The following RSRC1 variants were observed in gnomAD, a reference collection of about 807,000 sequenced individuals.
RSRC1 encodes the protein arginine and serine rich coiled-coil 1, also known as serine/Arginine-related protein 53.
RSRC1 carries 39 observed loss-of-function variants against 49.1 expected under a neutral mutation model. The observed-to-expected ratio is 0.79, with a 90% CI of 0.61 to 1.04. RSRC1 has a LOEUF of 1.04. Ranked by LOEUF, RSRC1 falls within the 50% of genes least tolerant of loss-of-function variation. The probability of loss-of-function intolerance (pLI) is 0.00; values close to 1 mark genes in which losing one functional copy is unlikely to be tolerated. For missense variants in RSRC1, 388 were observed against 402.4 expected, an observed-to-expected ratio of 0.96 and a Z score of 0.31; for synonymous variants, 143 against 130.8, an observed-to-expected ratio of 1.09 and a Z score of -0.63.
chr3:158,119,254 A>G (rs556957947), intron 1 of RSRC1, among the ~76,000 whole-genome samples: 12 of 152,178 alleles, frequency 7.9e-5, no homozygotes, highest in East Asian at 5.8e-4. Flanking sequence ...GATTTTTGCT[A>G]TGTGAATTTG....
chr3:158,171,151 A>T (rs1395875111), intron 3 of RSRC1, among the ~76,000 whole-genome samples: 1 of 152,216 alleles, frequency 6.6e-6, no homozygotes, highest in Non-Finnish European at 1.5e-5. Flanking sequence ...GCATAACAAA[A>T]GCTTTGGAAA....
intron 6 of RSRC1, among the ~76,000 whole-genome samples, chr3:158,456,926 G>A (rs1244967861): frequency 6.6e-6 from 1 of 151,978 alleles, no homozygotes; most frequent in Non-Finnish European, 1.5e-5. Context: ...GGATTTTAGG[G>A]GTGTGCGTGT....
intron 3 of RSRC1, among the ~76,000 whole-genome samples, chr3:158,182,252 T>C (rs1323423479): frequency 6.6e-6 from 1 of 152,184 alleles, no homozygotes. Flanking sequence ...CAGGAAGATG[T>C]CTGATGTGTT....
Position 158,122,233 on chromosome 3 carries a change from A to G in RSRC1, c.129A>G (p.Lys43=). The change falls in exon 2 of 10, where the codon AAA becomes AAG. Residue 43 remains lysine (K), a synonymous_variant. Coordinates refer to ENST00000611884, the MANE Select transcript of RSRC1 (RefSeq NM_001271838.2). ...ACAGCCGAAAGAAAGGAGGAAGGAAATCAAGATCAAAGTCAAGATCTTGGT... is the reference window on the plus strand; with the variant it reads ...ACAGCCGAAAGAAAGGAGGAAGGAAGTCAAGATCAAAGTCAAGATCTTGGT... The part of the protein sequence containing the change: ...RTYSRKKGGR[K]SRSKSRSWSR... 1.2e-6 allele frequency: 2 copies of G among 1,605,950 alleles called. No homozygotes were observed. Among genetic ancestry groups the G allele is most frequent in the Non-Finnish European group, 1.7e-6 (2 of 1,175,438 alleles).
intron 6 of RSRC1, among the ~76,000 whole-genome samples, chr3:158,425,943 A>C (rs1735408301): frequency 6.6e-6 from 1 of 151,782 alleles, no homozygotes; most frequent in South Asian, 2.1e-4. Flanking sequence ...TATAGTAATT[A>C]AAATGGTGTC....
At chr3:158,382,308 T>G (rs1163437528) in intron 6 of RSRC1, among the ~76,000 whole-genome samples, 1 of 151,952 alleles carries the variant, frequency 6.6e-6, no homozygotes, top group African/African-American at 2.4e-5. Context: ...TACAGTTAAC[T>G]TTTTTTTATA....
At chr3:158,144,751 A>G (rs1716972187) in intron 3 of RSRC1, among the ~76,000 whole-genome samples, 5 of 152,158 alleles carry the variant, frequency 3.3e-5, no homozygotes, top group African/African-American at 9.7e-5. Flanking sequence ...AGTCCCCCCA[A>G]CAGTGTAAAA....
Position 158,123,905 on chromosome 3 carries a change from C to T in RSRC1, c.234C>T (p.Ser78=). Residue 78 remains serine, a synonymous_variant, in exon 3 of 10, where the codon TCC becomes TCT. Transcript: ENST00000611884. The part of the protein sequence containing the change: ...HRSSSSSSYG[S]RRKRSRSRSR... ...CAAGCAGTAGCTCTTCTTATGGCTC[C>T]AGAAGGAAACGAAGTCGAAGTCGTT... 7 of 1,612,452 alleles carry T rather than the reference C, an allele frequency of 4.3e-6. No homozygotes were observed. The highest frequency in any genetic ancestry group is 4.2e-6 in the Non-Finnish European group (5 of 1,178,998).
chr3:158,518,148 A>ATATTTTTTTTTTTTT (rs1310027981), intron 7 of RSRC1, among the ~76,000 whole-genome samples: 6 of 44,136 alleles, frequency 1.4e-4, no homozygotes, highest in African/African-American at 7.7e-4. Context: ...ATATATATAT[A>ATATTTTTTTTTTTTT]TTTTTTTTTT....
chr3:158,363,862 T>G (rs1731615609), intron 6 of RSRC1, among the ~76,000 whole-genome samples: 1 of 152,210 alleles, frequency 6.6e-6, no homozygotes, highest in Non-Finnish European at 1.5e-5. Context: ...TTTATGATTT[T>G]TTTCTAACAC....
intron 4 of RSRC1, among the ~76,000 whole-genome samples, chr3:158,279,346 C>A (rs1040054845): frequency 2.6e-5 from 4 of 152,174 alleles, no homozygotes; most frequent in Non-Finnish European, 1.5e-5. Context: ...TATATAGTGA[C>A]ACTAAAATAT....
intron 7 of RSRC1, among the ~76,000 whole-genome samples, chr3:158,472,693 GT>G (rs1288887834): frequency 6.6e-6 from 1 of 151,950 alleles, no homozygotes; most frequent in Non-Finnish European, 1.5e-5. Flanking sequence ...GGGTTGTTTG[GT>G]TTTTTTCTTG....
intron 7 of RSRC1, among the ~76,000 whole-genome samples, chr3:158,536,042 A>G (rs1237023737): frequency 2.0e-5 from 3 of 151,420 alleles, no homozygotes; most frequent in Non-Finnish European, 4.4e-5. Flanking sequence ...TAATTTGCTA[A>G]GTGAGAGATT....
intron 3 of RSRC1, among the ~76,000 whole-genome samples, chr3:158,202,369 T>C (rs1721093650): frequency 6.6e-6 from 1 of 151,376 alleles, no homozygotes; most frequent in Admixed American, 6.6e-5. Context: ...TCATAAAGGT[T>C]GTCATCCTCA....
At chr3:158,504,175 G>T (rs1739742845) in intron 7 of RSRC1, among the ~76,000 whole-genome samples, 1 of 152,174 alleles carries the variant, frequency 6.6e-6, no homozygotes, top group African/African-American at 2.4e-5. Flanking sequence ...TTCGGGAGAG[G>T]AGGCTGTCCC....
At chr3:158,243,956 T>TG (rs951850081) in intron 4 of RSRC1, among the ~76,000 whole-genome samples, 2 of 151,556 alleles carry the variant, frequency 1.3e-5, no homozygotes, top group African/African-American at 4.8e-5. Context: ...TATGGTTTTT[T>TG]TTTTTTTTTT....
At chr3:158,512,518 C>A (rs1429934939) in intron 7 of RSRC1, among the ~76,000 whole-genome samples, 2 of 152,154 alleles carry the variant, frequency 1.3e-5, no homozygotes, top group African/African-American at 4.8e-5. Context: ...TTTACTGTAG[C>A]CTTATAGTAT....
intron 6 of RSRC1, among the ~76,000 whole-genome samples, chr3:158,380,687 T>G (rs1732653724): frequency 1.3e-5 from 2 of 152,106 alleles, no homozygotes; most frequent in Non-Finnish European, 2.9e-5. Context: ...GGGTATTTTT[T>G]GGGCAAGTTG....
chr3:158,128,879 G>GTGATGTTT (rs1229319773), intron 3 of RSRC1, among the ~76,000 whole-genome samples: 3 of 152,142 alleles, frequency 2.0e-5, no homozygotes, highest in African/African-American at 7.2e-5. Context: ...CTGAGTTTGT[G>GTGATGTTT]TGATGTTTTC....
Sources: gnomAD v4.1 joint callset for allele counts (sites outside exome capture counted in the v4.1 genomes callset) on GRCh38, gnomAD v4.1.1 for gene constraint, MANE v1.5 for transcripts, NCBI Gene and HGNC (gene_info 2026-07-23, HGNC 2026-07-21) for gene names.